REXO4: variants seen among roughly 807,000 people sequenced by gnomAD.
REXO4 encodes RNA exonuclease 4, also known as REX4 homolog, 3'-5' exonuclease.
REXO4 carries 29 observed loss-of-function variants against 39.9 expected under a neutral mutation model. That is an observed-to-expected ratio of 0.73 (90% CI 0.54 to 0.99). The LOEUF is 0.99. Among genes scored for constraint, REXO4 ranks in the 50% least tolerant of loss-of-function variants. REXO4 has a pLI of 0.00. For synonymous variants in REXO4, 184 were observed against 206.2 expected, an observed-to-expected ratio of 0.89 and a Z score of 0.92; for missense variants, 524 against 546.5, an observed-to-expected ratio of 0.96 and a Z score of 0.41.
At chr9:133,410,046 G>A (rs1265265133) in intron 5 of REXO4, among the ~76,000 whole-genome samples, 2 of 152,164 alleles carry the variant, frequency 1.3e-5, no homozygotes, top group Non-Finnish European at 2.9e-5. Context: ...TTCACCCTCT[G>A]TAAACAAGCA....
chr9:133,409,112 C>T (rs1839083831), intron 5 of REXO4, among the ~76,000 whole-genome samples: 1 of 152,156 alleles, frequency 6.6e-6, no homozygotes, highest in South Asian at 2.1e-4. Context: ...ATTACAAGTG[C>T]CCGCCACCAT....
intron 5 of REXO4, 92 bp from the exon 6 acceptor site, chr9:133,408,934 TTGTG>T (rs71503345): frequency 0.036 from 11,367 of 317,644 alleles, 284 homozygotes; most frequent in East Asian, 0.13. Flanking sequence ...AGTAACATCT[TTGTG>T]TGTGTGTGTG....
intron 1 of REXO4, 128 bp from the exon 2 acceptor site, chr9:133,415,139 A>G (rs1839499553): frequency 1.4e-6 from 1 of 717,478 alleles, no homozygotes; most frequent in Non-Finnish European, 2.2e-6. Flanking sequence ...TCCCATCCGC[A>G]TCACTGAAAT....
At chr9:133,408,911 G>C in intron 5 of REXO4, 69 bp from the exon 6 acceptor site, 1 of 772,250 alleles carries the variant, frequency 1.3e-6, no homozygotes, top group East Asian at 3.2e-5. Context: ...CCCTCCCCCC[G>C]CCACCTTTTG....
chr9:133,414,445 C>T (rs1839431017), intron 2 of REXO4: 10 of 696,996 alleles, frequency 1.4e-5, no homozygotes, highest in Admixed American at 2.0e-5. Flanking sequence ...CTGGCACCCA[C>T]TAAATGCTGA....
At chr9:133,413,257 C>T (rs782480464) in intron 2 of REXO4, among the ~76,000 whole-genome samples, 8 of 152,038 alleles carry the variant, frequency 5.3e-5, no homozygotes, top group Admixed American at 2.0e-4. Flanking sequence ...CCCACTGCCA[C>T]GCCTGGCTAA....
Position 133,417,609 on chromosome 9 carries a change from T to G in REXO4, c.225+11A>C, listed in dbSNP as rs587607042. ...TGCGCAGCGCTCCGCCCGGGCCCCC[T>G]CAAGCCTCACCTCTTGCAGCGCCTT... On this transcript the variant is annotated intron_variant, in intron 1 of 7. Transcript: ENST00000371942. The G allele has an allele frequency of 1.2e-5, 19 of 1,612,642 alleles. No individual in the cohort carries two copies. In the South Asian group the frequency reaches 2.1e-4, roughly 18 times the overall value.
At chr9:133,409,251 G>A (rs954586987) in intron 5 of REXO4, among the ~76,000 whole-genome samples, 1 of 152,114 alleles carries the variant, frequency 6.6e-6, no homozygotes, top group African/African-American at 2.4e-5. Context: ...ACAGGTGTGA[G>A]CCAACGCGGC....
At chr9:133,411,223 A>C in intron 4 of REXO4, 150 bp from the exon 5 acceptor site, 1 of 687,404 alleles carries the variant, frequency 1.5e-6, no homozygotes, top group Non-Finnish European at 2.6e-6. Flanking sequence ...AAGCCACCAC[A>C]TCCACCCACC....
At chr9:133,411,655 A>C (rs1839216351) in intron 4 of REXO4, among the ~76,000 whole-genome samples, 1 of 152,160 alleles carries the variant, frequency 6.6e-6, no homozygotes, top group African/African-American at 2.4e-5. Flanking sequence ...GGCCAGGTGC[A>C]GTGGGTCATG....
chr9:133,414,828 T>C lies in REXO4; in HGVS notation c.409A>G (p.Lys137Glu). 6.2e-7 allele frequency: 1 copy of C among 1,614,212 alleles called. No homozygotes were observed. The highest frequency in any genetic ancestry group is 1.1e-5 in the South Asian group (1 of 91,084). ...ASRGSVPSGS[K>E]MDRRAPVPRT... ...GGTACTGGCGCCCTCCTGTCCATCT[T>C]GGAACCTGAAGGAACAGAGCCCCTG... is the stretch of plus-strand genomic sequence containing the variant. Residue 137 changes from lysine to glutamate, a missense_variant, in exon 2 of 8, where the codon AAG (lysine) becomes GAG (glutamate). Transcript: ENST00000371942.
Position 133,414,694 on chromosome 9 carries a change from A to G in REXO4, c.543T>C (p.Ala181=), listed in dbSNP as rs781812502. 6.2e-7 allele frequency: 1 copy of G among 1,613,998 alleles called. No homozygotes were observed. Among genetic ancestry groups the G allele is most frequent in the Non-Finnish European group, 8.5e-7 (1 of 1,179,960 alleles). Residue 181 remains alanine (A), a synonymous_variant, in exon 2 of 8, where the codon GCT becomes GCC. Coordinates refer to ENST00000371942, the MANE Select transcript of REXO4 (RefSeq NM_020385.4). ...TGGGTGGGGCTGGGGCTGCCTCCTTAGCTTTCCGCTTCTTATGCTCGATGT... is the reference window on the plus strand; with the variant it reads ...TGGGTGGGGCTGGGGCTGCCTCCTTGGCTTTCCGCTTCTTATGCTCGATGT... ...RGDIEHKKRK[A]KEAAPAPPTE...
chr9:133,407,663 ATTTT>A, intron 7 of REXO4, 140 bp downstream of exon 7: 2 of 485,292 alleles, frequency 4.1e-6, no homozygotes, highest in Non-Finnish European at 7.3e-6. Context: ...CCGCTCTACC[ATTTT>A]TTTTTTTTGA....
chr9:133,407,511 G>A (rs1554779144), intron 7 of REXO4, among the ~76,000 whole-genome samples: 4 of 152,178 alleles, frequency 2.6e-5, no homozygotes, highest in African/African-American at 9.7e-5. Context: ...GGCAGGGCAG[G>A]GCTGGAGGGC....
At chr9:133,412,531 C>G in intron 3 of REXO4, 39 bp from the exon 4 acceptor site, 1 of 1,604,596 alleles carries the variant, frequency 6.2e-7, no homozygotes, top group South Asian at 1.1e-5. Flanking sequence ...ATAAACACGG[C>G]AGGCCACAGG....
chr9:133,417,877 A>G lies in REXO4; in HGVS notation c.-33T>C. 3 of 1,585,736 alleles carry G rather than the reference A, an allele frequency of 1.9e-6. No homozygotes were observed. The South Asian group carries it at 3.3e-5, about 18-fold the overall frequency. ...CCGTCCAGCGCCTGGGCCGGCGGCCACCCGAGACCCCGGCCTCCCCGGGCC... is the reference window on the plus strand; with the variant it reads ...CCGTCCAGCGCCTGGGCCGGCGGCCGCCCGAGACCCCGGCCTCCCCGGGCC... On this transcript the variant is annotated 5_prime_UTR_variant, in exon 1 of 8. Coordinates refer to ENST00000371942, the MANE Select transcript of REXO4 (RefSeq NM_020385.4).
Position 133,406,628 on chromosome 9 carries a change from C to T in REXO4, c.*325G>A. The T allele has an allele frequency of 8.2e-6, 3 of 366,216 alleles. No homozygotes were observed. Among genetic ancestry groups the T allele is most frequent in the Non-Finnish European group, 1.6e-5 (3 of 191,368 alleles). The allele number at this position is 366,216 out of a possible 1,614,324, so 22.7% of individuals were successfully genotyped here. On this transcript the variant is annotated 3_prime_UTR_variant, in exon 8 of 8. Transcript: ENST00000371942. ...TGTCACCGAAGATGGGCAGTGACAG[C>T]ACCGTATGGACTGGCGGCCCACAGG...
chr9:133,409,106 C>T (rs1013151610), intron 5 of REXO4, among the ~76,000 whole-genome samples: 1 of 152,082 alleles, frequency 6.6e-6, no homozygotes, highest in African/African-American at 2.4e-5. Context: ...GCTGGGATTA[C>T]AAGTGCCCGC....
At chr9:133,410,491 A>T (rs1384165831) in intron 5 of REXO4, among the ~76,000 whole-genome samples, 2 of 152,070 alleles carry the variant, frequency 1.3e-5, no homozygotes, top group African/African-American at 2.4e-5. Flanking sequence ...TGGTGTCTGA[A>T]TTTGCACTTT....
Sources: gnomAD v4.1 joint callset for allele counts (sites outside exome capture counted in the v4.1 genomes callset) on GRCh38, gnomAD v4.1.1 for gene constraint, MANE v1.5 for transcripts, NCBI Gene and HGNC (gene_info 2026-07-23, HGNC 2026-07-21) for gene names.